SULF1: variants seen among roughly 807,000 people sequenced by gnomAD.
The protein encoded by SULF1 is extracellular sulfatase Sulf-1.
In SULF1, 46 loss-of-function variants were observed where a neutral mutation model predicts 110.5. The ratio of observed to expected loss-of-function variants is 0.42; its 90% CI spans 0.33 to 0.53. The LOEUF is 0.53. SULF1 is among the 20% of genes least tolerant of loss of function. SULF1 has a pLI of 0.12. For synonymous variants in SULF1, 371 were observed against 387.1 expected (o/e 0.96, Z 0.49); for missense variants, 941 against 1,094.2 (o/e 0.86, Z 1.98).
At chr8:69,513,239 T>G (rs1159689624) in intron 3 of SULF1, among the ~76,000 whole-genome samples, 2 of 152,228 alleles carry the variant, frequency 1.3e-5, no homozygotes, top group Non-Finnish European at 2.9e-5. Context: ...CCAGTCCCCT[T>G]GTGGTAAATT....
chr8:69,649,666 T>C (rs1021112520), intron 22 of SULF1, among the ~76,000 whole-genome samples: 4 of 152,120 alleles, frequency 2.6e-5, no homozygotes, highest in Admixed American at 2.6e-4. Context: ...GTCCCTCTGT[T>C]GGGGTTTGTC....
intron 13 of SULF1, among the ~76,000 whole-genome samples, chr8:69,606,856 T>C (rs1427045267): frequency 6.6e-6 from 1 of 152,246 alleles, no homozygotes; most frequent in Non-Finnish European, 1.5e-5. Flanking sequence ...ATCCATTATG[T>C]GGATATATGA....
chr8:69,644,678 G>A (rs1450838499), intron 22 of SULF1, among the ~76,000 whole-genome samples: 3 of 151,144 alleles, frequency 2.0e-5, no homozygotes, highest in East Asian at 3.9e-4. Context: ...GGAGAATGGC[G>A]TGAACCCGGG....
intron 9 of SULF1, 41 bp downstream of exon 9, chr8:69,600,794 G>A: frequency 6.3e-7 from 1 of 1,596,596 alleles, no homozygotes; most frequent in Non-Finnish European, 8.5e-7. Context: ...TTTTGGCCCA[G>A]CTTCCTTTGT....
chr8:69,483,877 T>A (rs1809600385), intron 1 of SULF1, among the ~76,000 whole-genome samples: 1 of 152,254 alleles, frequency 6.6e-6, no homozygotes, highest in Admixed American at 6.5e-5. Context: ...ATGTTATATG[T>A]AACAATAACA....
chr8:69,555,013 T>G (rs916776021), intron 3 of SULF1, among the ~76,000 whole-genome samples: 1 of 142,004 alleles, frequency 7.0e-6, no homozygotes, highest in African/African-American at 2.6e-5. Context: ...AAAAAAAAAC[T>G]TCATACATAA....
At chr8:69,553,250 A>G (rs1040536640) in intron 3 of SULF1, among the ~76,000 whole-genome samples, 2 of 152,254 alleles carry the variant, frequency 1.3e-5, no homozygotes, top group Non-Finnish European at 2.9e-5. Context: ...GTTTATGATC[A>G]TTTACATTTA....
chr8:69,490,731 T>C (rs941399264), upstream of SULF1, among the ~76,000 whole-genome samples: 1 of 152,214 alleles, frequency 6.6e-6, no homozygotes, highest in African/African-American at 2.4e-5. Context: ...CAGACCTAGA[T>C]TCAAATCCTA....
chr8:69,602,962 G>A (rs749579301), intron 10 of SULF1, among the ~76,000 whole-genome samples: 7 of 152,128 alleles, frequency 4.6e-5, no homozygotes, highest in Non-Finnish European at 7.3e-5. Context: ...CAGAATACAG[G>A]GGTGCAGGCA....
At chr8:69,610,993 C>G (rs1231285598) in intron 13 of SULF1, among the ~76,000 whole-genome samples, 1 of 152,242 alleles carries the variant, frequency 6.6e-6, no homozygotes, top group Non-Finnish European at 1.5e-5. Context: ...ACCTAAGGCT[C>G]ACCTGAAGAC....
intron 19 of SULF1, among the ~76,000 whole-genome samples, chr8:69,629,889 C>T (rs777278834): frequency 3.3e-5 from 5 of 152,198 alleles, no homozygotes; most frequent in Non-Finnish European, 7.3e-5. Context: ...TAATGCCAAG[C>T]TTCTCCCTGG....
At chr8:69,484,900 C>G (rs1228516611) in intron 1 of SULF1, among the ~76,000 whole-genome samples, 1 of 148,318 alleles carries the variant, frequency 6.7e-6, no homozygotes, top group South Asian at 2.1e-4. Flanking sequence ...ACAGGAGTCA[C>G]ACCATGTTGC....
chr8:69,651,627 AT>A (rs1812352623), intron 22 of SULF1, among the ~76,000 whole-genome samples: 1 of 152,152 alleles, frequency 6.6e-6, no homozygotes, highest in South Asian at 2.1e-4. Context: ...TCAGATAATT[AT>A]TCTCTTTAGA....
intron 13 of SULF1, among the ~76,000 whole-genome samples, chr8:69,607,141 A>G (rs1460788541): frequency 6.6e-6 from 1 of 152,220 alleles, no homozygotes; most frequent in Non-Finnish European, 1.5e-5. Context: ...CTTCTGAATC[A>G]GAACCCCTAG....
At chr8:69,624,761 C>T (rs1809868925) in intron 15 of SULF1, among the ~76,000 whole-genome samples, 1 of 152,118 alleles carries the variant, frequency 6.6e-6, no homozygotes, top group Non-Finnish European at 1.5e-5. Flanking sequence ...CAGAGAGGGC[C>T]CTGGAAGTCA....
chr8:69,640,094 AGGGAGAGAGAG>A (rs1811344681), intron 21 of SULF1, among the ~76,000 whole-genome samples: 1 of 149,704 alleles, frequency 6.7e-6, no homozygotes, highest in East Asian at 2.0e-4. Context: ...AGAGGGAGGG[AGGGAGAGAGAG>A]AGAGAGGAAG....
At chr8:69,609,675 C>T (rs1275154336) in intron 13 of SULF1, among the ~76,000 whole-genome samples, 1 of 152,248 alleles carries the variant, frequency 6.6e-6, no homozygotes, top group Non-Finnish European at 1.5e-5. Context: ...CATGCTGCCA[C>T]TGCAAAATTG....
chr8:69,652,013 G>A (rs1391335381), intron 22 of SULF1, among the ~76,000 whole-genome samples: 1 of 152,158 alleles, frequency 6.6e-6, no homozygotes, highest in East Asian at 1.9e-4. Flanking sequence ...CCAGTTTCTA[G>A]AGGCTGCCTG....
At chr8:69,477,353 T>G (rs1396716997) in intron 1 of SULF1, among the ~76,000 whole-genome samples, 1 of 152,204 alleles carries the variant, frequency 6.6e-6, no homozygotes, top group Non-Finnish European at 1.5e-5. Flanking sequence ...AGCTGTCTAT[T>G]CATCTAACAT....
Sources: gnomAD v4.1 joint callset for allele counts (sites outside exome capture counted in the v4.1 genomes callset) on GRCh38, gnomAD v4.1.1 for gene constraint, MANE v1.5 for transcripts, NCBI Gene and HGNC (gene_info 2026-07-23, HGNC 2026-07-21) for gene names.